Variants in FBXO22 observed in about 807,000 individuals in gnomAD.
FBXO22 encodes the protein F-box only protein 22.
FBXO22 carries 13 observed loss-of-function variants against 37.2 expected under a neutral mutation model. The observed-to-expected ratio is 0.35, with a 90% CI of 0.23 to 0.56. The LOEUF is 0.56. Ranked by LOEUF, FBXO22 falls within the 20% of genes least tolerant of loss-of-function variation. The probability of loss-of-function intolerance (pLI) is 0.87; values close to 1 mark genes in which losing one functional copy is unlikely to be tolerated. For missense variants in FBXO22, 446 were observed against 509.9 expected, an observed-to-expected ratio of 0.87 and a Z score of 1.21; for synonymous variants, 189 against 189.1, an observed-to-expected ratio of 1.00 and a Z score of 0.00.
intron 5 of FBXO22, among the ~76,000 whole-genome samples, chr15:75,920,929 A>G (rs1349844284): frequency 3.3e-5 from 5 of 152,236 alleles, no homozygotes; most frequent in Admixed American, 2.6e-4. Context: ...GAATACATAT[A>G]CAGTCATATG....
chr15:75,938,970 G>A lies in FBXO22; in HGVS notation c.*5868G>A, dbSNP rs185293957. On this transcript the variant is annotated 3_prime_UTR_variant, in exon 7 of 7. Transcript: ENST00000308275. ...GATGCAGTGAAAGCACTGCTAAAAG[G>A]GAAATTTGTAGACATAAATGCTTAC... 8 of 152,072 alleles carry A rather than the reference G, an allele frequency of 5.3e-5. No individual in the cohort carries two copies. In the East Asian group the frequency reaches 1.5e-3, roughly 29 times the overall value. The allele number at this position is 152,072 out of a possible 1,614,324, so 9.4% of individuals were successfully genotyped here. A position where few individuals can be genotyped will look rare whatever the true frequency, so the allele number is the denominator to read the frequency against.
intron 2 of FBXO22, among the ~76,000 whole-genome samples, chr15:75,908,043 CTG>C (rs1292430137): frequency 1.3e-5 from 2 of 152,140 alleles, no homozygotes; most frequent in Non-Finnish European, 2.9e-5. Flanking sequence ...GCTGTCTTAA[CTG>C]TGCTTTGAGA....
chr15:75,925,275 A>T (rs1262830758), intron 5 of FBXO22, among the ~76,000 whole-genome samples: 1 of 152,210 alleles, frequency 6.6e-6, no homozygotes, highest in Non-Finnish European at 1.5e-5. Context: ...AATACGTAAC[A>T]GGTTGTTACA....
intron 2 of FBXO22, among the ~76,000 whole-genome samples, chr15:75,904,851 T>C (rs1899888736): frequency 2.2e-5 from 3 of 138,382 alleles, no homozygotes; most frequent in South Asian, 2.3e-4. Context: ...TGAGACGTAG[T>C]CTCGCTCTGT....
At chr15:75,904,312 G>T (rs1446098141) in intron 1 of FBXO22, 179 bp from the exon 2 acceptor site, 3 of 1,119,144 alleles carry the variant, frequency 2.7e-6, no homozygotes, top group South Asian at 1.5e-5. Context: ...TCCCCTTAAG[G>T]TTTTCTCCAT....
At chr15:75,930,334 C>CT in intron 6 of FBXO22, 2 of 1,317,124 alleles carry the variant, frequency 1.5e-6, no homozygotes, top group Non-Finnish European at 1.9e-6. Flanking sequence ...ATGTGGTACT[C>CT]TGTGTGACCT....
At chr15:75,917,517 A>G in intron 5 of FBXO22, 123 bp downstream of exon 5, 1 of 651,294 alleles carries the variant, frequency 1.5e-6, no homozygotes, top group Non-Finnish European at 2.6e-6. Context: ...TACACCTGTC[A>G]CTGGAGATGT....
chr15:75,924,029 G>A (rs898381004), intron 5 of FBXO22, among the ~76,000 whole-genome samples: 2 of 152,174 alleles, frequency 1.3e-5, no homozygotes, highest in African/African-American at 4.8e-5. Context: ...AGATTTGAAG[G>A]TGCGGGTTGG....
Position 75,924,617 on chromosome 15 carries a change from C to G in FBXO22, c.629-5267C>G, listed in dbSNP as rs543764410. 5.9e-5 allele frequency among the ~76,000 whole-genome samples: 9 copies of G among 152,264 alleles called. No individual in the cohort carries two copies. The South Asian group carries it at 1.9e-3, about 32-fold the overall frequency. On this transcript the variant is annotated intron_variant, in intron 5 of 6. Coordinates refer to ENST00000308275, the MANE Select transcript of FBXO22 (RefSeq NM_147188.3). ...GCTTCCCTCCCTGGCAGTGCTCATG[C>G]ACTTCTTCCTCTAAACCTTCATGTA...
chr15:75,916,998 GA>G (rs2141712622), intron 4 of FBXO22, among the ~76,000 whole-genome samples: 1 of 152,166 alleles, frequency 6.6e-6, no homozygotes, highest in Non-Finnish European at 1.5e-5. Flanking sequence ...TTTAGCAGTT[GA>G]AAAAATTTTG....
chr15:75,917,100 A>G, intron 4 of FBXO22, 130 bp from the exon 5 acceptor site: 1 of 674,702 alleles, frequency 1.5e-6, no homozygotes, highest in East Asian at 2.7e-5. Context: ...CTACACCCTA[A>G]AACTGTCAAA....
rs1362197816 is a variant in FBXO22 at position 75,941,018 on chromosome 15, AAAT to A, written c.*7921_*7923del. ...AAAAGATTACCTATGGAGTGGGAGGAAATAATATGCAGTTCACGTACCTAATAA... is the reference window on the plus strand; with the variant it reads ...AAAAGATTACCTATGGAGTGGGAGGAAATATGCAGTTCACGTACCTAATAA... On this transcript the variant is annotated 3_prime_UTR_variant, in exon 7 of 7. Transcript: ENST00000308275. 3.9e-5 allele frequency: 6 copies of A among 152,160 alleles called. No homozygotes were observed. Among genetic ancestry groups the A allele is most frequent in the African/African-American group, 1.4e-4 (6 of 41,464 alleles). 9.4% of individuals were successfully genotyped at this position (152,160 alleles called of 1,614,324 possible). A position where few individuals can be genotyped will look rare whatever the true frequency, so the allele number is the denominator to read the frequency against.
intron 5 of FBXO22, among the ~76,000 whole-genome samples, chr15:75,926,864 T>G (rs2141720809): frequency 6.6e-6 from 1 of 152,344 alleles, no homozygotes; most frequent in African/African-American, 2.4e-5. Flanking sequence ...TATGCAGATG[T>G]CTCAGAGTAG....
chr15:75,941,278 C>A lies in FBXO22; in HGVS notation c.*8176C>A, dbSNP rs984984470. The A allele has an allele frequency of 1.3e-5, 2 of 151,992 alleles. No individual in the cohort carries two copies. The highest frequency in any genetic ancestry group is 6.5e-5 in the Admixed American group (1 of 15,280). 9.4% of individuals were successfully genotyped at this position (151,992 alleles called of 1,614,324 possible). ...ATAGCTCTTATTAAAATTAAAAAAA[C>A]ACACAAGTGTTGGCAAGGATGTGGA... is the stretch of plus-strand genomic sequence containing the variant. On this transcript the variant is annotated 3_prime_UTR_variant, in exon 7 of 7. Transcript: ENST00000308275.
chr15:75,939,067 C>G lies in FBXO22; in HGVS notation c.*5965C>G, dbSNP rs902169420. The G allele has an allele frequency of 3.3e-5, 5 of 151,916 alleles. No homozygotes were observed. Among genetic ancestry groups the G allele is most frequent in the African/African-American group, 7.3e-5 (3 of 41,368 alleles). 9.4% of individuals were successfully genotyped at this position (151,916 alleles called of 1,614,324 possible). ...TTGAGGGGGAAAAACATACTAAATC[C>G]AAAGCTAGCAGATGGAAGGAAATAA... On this transcript the variant is annotated 3_prime_UTR_variant, in exon 7 of 7. Transcript: ENST00000308275.
chr15:75,925,334 A>G (rs1339430163), intron 5 of FBXO22, among the ~76,000 whole-genome samples: 3 of 152,170 alleles, frequency 2.0e-5, no homozygotes, highest in Admixed American at 6.5e-5. Flanking sequence ...GGTGCTCTGT[A>G]CTAGTGTTTG....
chr15:75,940,863 A>G lies in FBXO22; in HGVS notation c.*7761A>G, dbSNP rs2030883500. The G allele has an allele frequency of 1.3e-5, 2 of 152,146 alleles. No individual in the cohort carries two copies. The highest frequency in any genetic ancestry group is 6.5e-5 in the Admixed American group (1 of 15,268). 9.4% of individuals were successfully genotyped at this position (152,146 alleles called of 1,614,324 possible). A position where few individuals can be genotyped will look rare whatever the true frequency, so the allele number is the denominator to read the frequency against. On this transcript the variant is annotated 3_prime_UTR_variant, in exon 7 of 7. Coordinates refer to ENST00000308275, the MANE Select transcript of FBXO22 (RefSeq NM_147188.3). ...CAAAGACCTAAATGTGAGAGCTAAA[A>G]CCATAAAACTCTTAGGATGTGGCAG...
chr15:75,928,466 G>A (rs1453725113), intron 5 of FBXO22, among the ~76,000 whole-genome samples: 2 of 152,142 alleles, frequency 1.3e-5, no homozygotes, highest in East Asian at 3.8e-4. Context: ...ATTATCATTA[G>A]CAAACTAACA....
At chr15:75,927,879 A>G (rs1048712209) in intron 5 of FBXO22, among the ~76,000 whole-genome samples, 2 of 152,186 alleles carry the variant, frequency 1.3e-5, no homozygotes, top group African/African-American at 2.4e-5. Flanking sequence ...GGTGGAAGTC[A>G]TGTGGTCAAA....
Sources: allele counts gnomAD v4.1 joint callset (sites outside exome capture counted in the v4.1 genomes callset), GRCh38; gene constraint gnomAD v4.1.1; transcripts MANE v1.5; gene names NCBI Gene and HGNC (gene_info 2026-07-23, HGNC 2026-07-21).